Variants in VAT1L observed in about 807,000 individuals in gnomAD.
The protein encoded by VAT1L is putative NADPH-dependent quinone oxidoreductase VAT1L.
VAT1L carries 34 observed loss-of-function variants against 44.1 expected under a neutral mutation model. The observed-to-expected ratio is 0.77, with a 90% CI of 0.59 to 1.03. The LOEUF (loss-of-function observed/expected upper bound fraction) is 1.03. VAT1L is among the 50% of genes least tolerant of loss of function. The pLI is 0.00. For missense variants in VAT1L, 615 were observed against 538.8 expected, an observed-to-expected ratio of 1.14 and a Z score of -1.40; for synonymous variants, 253 against 202.2, an observed-to-expected ratio of 1.25 and a Z score of -2.13.
chr16:77,965,703 T>G (rs2018215770), intron 7 of VAT1L, among the ~76,000 whole-genome samples: 1 of 152,166 alleles, frequency 6.6e-6, no homozygotes, highest in African/African-American at 2.4e-5. Context: ...AGGCTGCACT[T>G]AGCAGGCCAC....
At chr16:77,968,963 C>CA (rs2018251668) in intron 7 of VAT1L, among the ~76,000 whole-genome samples, 1 of 152,058 alleles carries the variant, frequency 6.6e-6, no homozygotes, top group South Asian at 2.1e-4. Flanking sequence ...GGATTACAGG[C>CA]ACCCACCACC....
chr16:77,914,620 T>C (rs890376720), intron 7 of VAT1L, among the ~76,000 whole-genome samples: 1 of 152,232 alleles, frequency 6.6e-6, no homozygotes, highest in Non-Finnish European at 1.5e-5. Flanking sequence ...ATTTGTATGA[T>C]GGTAAGAAAG....
chr16:77,976,950 G>A lies in VAT1L; in HGVS notation c.1162-647G>A, dbSNP rs554277606. Among the ~76,000 whole-genome samples the A allele has an allele frequency of 8.9e-4, 135 of 152,264 alleles. 1 individual carries two copies. The highest frequency in any genetic ancestry group is 2.9e-3 in the African/African-American group (121 of 41,554). On this transcript the variant is annotated intron_variant, in intron 8 of 8. Transcript: ENST00000302536. The stretch of plus-strand genomic sequence containing the variant: ...CACCTTTGTTCTGGTTGTTGTGTCT[G>A]CTCTTCTTAAGTGACAGCATCAAGA...
At chr16:77,976,950 G>C (rs554277606) in intron 8 of VAT1L, among the ~76,000 whole-genome samples, 1 of 152,146 alleles carries the variant, frequency 6.6e-6, no homozygotes, top group African/African-American at 2.4e-5. Flanking sequence ...TGTTGTGTCT[G>C]CTCTTCTTAA....
Position 77,788,830 on chromosome 16 carries a change from T to C in VAT1L, c.148T>C (p.Phe50Leu), listed in dbSNP as rs1175337272. ...GATGCGCGCGGTGGTGCTGGCTGGC[T>C]TCGGGGGGCTCAACAAGCTGCGGCT... Reference protein sequence around the residue: ...QEMRAVVLAGFGGLNKLRLFR... With the variant: ...QEMRAVVLAGLGGLNKLRLFR... Residue 50 changes from phenylalanine to leucine, a missense_variant, in exon 1 of 9, where the codon TTC becomes CTC. Transcript: ENST00000302536. 4 of 1,579,400 alleles carry C rather than the reference T, an allele frequency of 2.5e-6. No individual in the cohort carries two copies. Among genetic ancestry groups the C allele is most frequent in the Non-Finnish European group, 3.4e-6 (4 of 1,163,968 alleles).
rs1446384240 is a variant in VAT1L at position 77,978,761 on chromosome 16, T to A, written c.*1066T>A. ...CCCCTCCCATATATAAACCCCGGTG[T>A]AGAATCTGCAGCGCCCTGCTCTTCG... On this transcript the variant is annotated 3_prime_UTR_variant, in exon 9 of 9. Transcript: ENST00000302536. 6.6e-6 allele frequency: 1 copy of A among 152,156 alleles called. No homozygotes were observed. The highest frequency in any genetic ancestry group is 1.5e-5 in the Non-Finnish European group (1 of 68,032). 9.4% of individuals were successfully genotyped at this position (152,156 alleles called of 1,614,324 possible). A position where few individuals can be genotyped will look rare whatever the true frequency, so the allele number is the denominator to read the frequency against.
chr16:77,841,932 G>A (rs994897732), intron 3 of VAT1L, among the ~76,000 whole-genome samples: 3 of 151,406 alleles, frequency 2.0e-5, no homozygotes, highest in Non-Finnish European at 4.4e-5. Context: ...CTGTTGCCCA[G>A]GCTGTAGTGC....
intron 7 of VAT1L, among the ~76,000 whole-genome samples, chr16:77,938,787 TG>T (rs2017836975): frequency 6.6e-6 from 1 of 152,136 alleles, no homozygotes; most frequent in Admixed American, 6.5e-5. Flanking sequence ...TACAGCACTG[TG>T]AGAACAGACT....
At chr16:77,874,338 G>A (rs1024247171) in intron 4 of VAT1L, among the ~76,000 whole-genome samples, 1 of 151,892 alleles carries the variant, frequency 6.6e-6, no homozygotes, top group South Asian at 2.1e-4. Context: ...AAACAGACCC[G>A]GGCAGAAGTG....
At chr16:77,935,177 T>C (rs1473469787) in intron 7 of VAT1L, among the ~76,000 whole-genome samples, 2 of 152,108 alleles carry the variant, frequency 1.3e-5, no homozygotes, top group South Asian at 2.1e-4. Flanking sequence ...CTGAAAAAAA[T>C]AGTAAAAGAT....
chr16:77,844,606 C>T (rs2016740542), intron 3 of VAT1L, among the ~76,000 whole-genome samples: 1 of 151,774 alleles, frequency 6.6e-6, no homozygotes, highest in Admixed American at 6.6e-5. Context: ...ACGAGGTTTC[C>T]CCATGTTGGC....
rs910648794 is a variant in VAT1L at position 77,827,805 on chromosome 16, G to A, written c.579+2344G>A. Among the ~76,000 whole-genome samples, 6 of 152,300 alleles carry A rather than the reference G, an allele frequency of 3.9e-5. No individual in the cohort carries two copies. The East Asian group carries it at 9.6e-4, about 24-fold the overall frequency. ...TTCTCTGTGGTTTCTCATAAGAAAT[G>A]TATGGTGAAATGCAATAAACATCCT... On this transcript the variant is annotated intron_variant, in intron 3 of 8. Coordinates refer to ENST00000302536, the MANE Select transcript of VAT1L (RefSeq NM_020927.3).
At chr16:77,939,671 TAC>T (rs376081461) in intron 7 of VAT1L, among the ~76,000 whole-genome samples, 127 of 152,270 alleles carry the variant, frequency 8.3e-4, no homozygotes, top group African/African-American at 2.9e-3. Flanking sequence ...ACCAAAAAGA[TAC>T]ACAGAGAGGC....
chr16:77,902,895 C>T (rs1454397056), intron 7 of VAT1L, among the ~76,000 whole-genome samples: 1 of 149,498 alleles, frequency 6.7e-6, no homozygotes, highest in Non-Finnish European at 1.5e-5. Flanking sequence ...ACCACTTGAA[C>T]CCGGGCGGCT....
chr16:77,958,639 T>G (rs1225790087), intron 7 of VAT1L, among the ~76,000 whole-genome samples: 2 of 152,334 alleles, frequency 1.3e-5, no homozygotes, highest in East Asian at 3.9e-4. Context: ...TAATTTGGTT[T>G]CATTATGAGT....
chr16:77,881,710 A>T (rs1288686292), intron 6 of VAT1L, among the ~76,000 whole-genome samples: 1 of 152,252 alleles, frequency 6.6e-6, no homozygotes. Context: ...GTCAAGGATC[A>T]TCCTAACTAC....
chr16:77,856,055 T>C (rs1020398925), intron 3 of VAT1L, among the ~76,000 whole-genome samples: 1 of 152,050 alleles, frequency 6.6e-6, no homozygotes, highest in East Asian at 1.9e-4. Context: ...ACTGTAGTGA[T>C]AGAATGAATG....
chr16:77,908,806 T>C (rs1224936899), intron 7 of VAT1L, among the ~76,000 whole-genome samples: 3 of 151,616 alleles, frequency 2.0e-5, no homozygotes, highest in South Asian at 4.2e-4. Flanking sequence ...CCCAGCTACT[T>C]GGGAGGCTGA....
chr16:77,833,218 C>G (rs1421596750), intron 3 of VAT1L, among the ~76,000 whole-genome samples: 1 of 152,190 alleles, frequency 6.6e-6, no homozygotes. Context: ...TCTCTTCTTT[C>G]AATGAGAAGC....
Sources: gnomAD v4.1 joint callset for allele counts (sites outside exome capture counted in the v4.1 genomes callset) on GRCh38, gnomAD v4.1.1 for gene constraint, MANE v1.5 for transcripts, NCBI Gene and HGNC (gene_info 2026-07-23, HGNC 2026-07-21) for gene names.